The following CTNNA3 variants were observed in gnomAD, a reference collection of about 807,000 sequenced individuals.
The protein encoded by CTNNA3 is catenin alpha 3.
Under a neutral mutation model 95.7 loss-of-function variants are expected in CTNNA3, and 76 were observed. The observed-to-expected ratio is 0.79, with a 90% CI of 0.66 to 0.96. The LOEUF is 0.96. Among genes scored for constraint, CTNNA3 ranks in the 40% least tolerant of loss-of-function variants. CTNNA3 has a pLI of 0.00. For synonymous variants in CTNNA3, 431 were observed against 374.4 expected (o/e 1.15, Z -1.74); for missense variants, 1,191 against 1,089.8 (o/e 1.09, Z -1.31).
intron 17 of CTNNA3, among the ~76,000 whole-genome samples, chr10:65,961,751 T>C (rs1330173398): frequency 6.8e-6 from 1 of 146,544 alleles, no homozygotes; most frequent in African/African-American, 2.5e-5. Flanking sequence ...CTCTAGCGAA[T>C]AGTTTGTAAA....
intron 3 of CTNNA3, among the ~76,000 whole-genome samples, chr10:67,569,665 A>C (rs1841921058): frequency 6.6e-6 from 1 of 152,166 alleles, no homozygotes; most frequent in Non-Finnish European, 1.5e-5. Flanking sequence ...TTATGTTCAC[A>C]GAAGATGGGT....
At chr10:66,309,796 A>G (rs1392317009) in intron 12 of CTNNA3, among the ~76,000 whole-genome samples, 4 of 150,354 alleles carry the variant, frequency 2.7e-5, no homozygotes, top group African/African-American at 9.8e-5. Context: ...GCAGTGGCTC[A>G]CGCCTGTAAT....
chr10:66,171,955 C>A (rs557530968), intron 13 of CTNNA3, among the ~76,000 whole-genome samples: 5 of 152,096 alleles, frequency 3.3e-5, no homozygotes, highest in Non-Finnish European at 5.9e-5. Flanking sequence ...CTATATCATC[C>A]TCTAATATCT....
At chr10:67,597,433 T>G (rs1481935425) in intron 3 of CTNNA3, among the ~76,000 whole-genome samples, 1 of 152,208 alleles carries the variant, frequency 6.6e-6, no homozygotes, top group Non-Finnish European at 1.5e-5. Flanking sequence ...TGGATCGAGC[T>G]TTTTGCTTTT....
intron 13 of CTNNA3, among the ~76,000 whole-genome samples, chr10:66,111,196 A>G (rs1462526585): frequency 6.6e-6 from 1 of 152,010 alleles, no homozygotes; most frequent in Non-Finnish European, 1.5e-5. Context: ...CATGAGATCT[A>G]TTTAAAAGTG....
chr10:67,182,273 C>T (rs1206000503), intron 6 of CTNNA3, among the ~76,000 whole-genome samples: 1 of 152,150 alleles, frequency 6.6e-6, no homozygotes, highest in Non-Finnish European at 1.5e-5. Flanking sequence ...AGGCATCACG[C>T]TACCTGACTT....
intron 9 of CTNNA3, among the ~76,000 whole-genome samples, chr10:66,756,343 T>C (rs1354406782): frequency 6.6e-6 from 1 of 152,174 alleles, no homozygotes; most frequent in African/African-American, 2.4e-5. Flanking sequence ...AATGTCAAAG[T>C]GATTTTGAAA....
chr10:67,515,741 G>T (rs921635288), intron 5 of CTNNA3, among the ~76,000 whole-genome samples: 8 of 152,114 alleles, frequency 5.3e-5, no homozygotes, highest in African/African-American at 1.9e-4. Flanking sequence ...AGGACAGTTA[G>T]ATTAATTACA....
intron 7 of CTNNA3, among the ~76,000 whole-genome samples, chr10:67,008,386 A>T (rs1355931461): frequency 6.6e-6 from 1 of 152,110 alleles, no homozygotes; most frequent in Non-Finnish European, 1.5e-5. Context: ...TCAGTTTTTT[A>T]GTTGGAATCC....
chr10:67,052,570 A>G (rs1855176490), intron 7 of CTNNA3: 3 of 152,222 alleles, frequency 2.0e-5, no homozygotes, highest in African/African-American at 7.2e-5. Context: ...TTCTTATGCT[A>G]ACAGATCCCA....
At chr10:66,616,932 C>T (rs902485333) in intron 10 of CTNNA3, among the ~76,000 whole-genome samples, 7 of 151,898 alleles carry the variant, frequency 4.6e-5, no homozygotes, top group African/African-American at 7.2e-5. Flanking sequence ...AGAAAAATAT[C>T]AAGAAGCTGT....
At chr10:66,584,460 T>C (rs1329436914) in intron 10 of CTNNA3, among the ~76,000 whole-genome samples, 1 of 152,000 alleles carries the variant, frequency 6.6e-6, no homozygotes, top group African/African-American at 2.4e-5. Context: ...TTTAATATTG[T>C]TGCTCTAAAG....
chr10:67,524,170 G>A (rs1840066989), intron 4 of CTNNA3, among the ~76,000 whole-genome samples: 2 of 152,056 alleles, frequency 1.3e-5, no homozygotes, highest in African/African-American at 4.8e-5. Flanking sequence ...TTGGGAGGCC[G>A]AGGCGGGCGG....
At chr10:66,188,480 G>A (rs954297657) in intron 13 of CTNNA3, among the ~76,000 whole-genome samples, 1 of 148,800 alleles carries the variant, frequency 6.7e-6, no homozygotes, top group Non-Finnish European at 1.5e-5. Context: ...GGTGATATTT[G>A]TCTTTTTGCA....
At chr10:67,481,789 T>C (rs1024840975) in intron 5 of CTNNA3, among the ~76,000 whole-genome samples, 2 of 152,216 alleles carry the variant, frequency 1.3e-5, no homozygotes, top group Non-Finnish European at 2.9e-5. Flanking sequence ...TTTGTTGTCA[T>C]TGCTTTTGGT....
intron 10 of CTNNA3, among the ~76,000 whole-genome samples, chr10:66,581,138 C>G (rs1410982274): frequency 6.6e-6 from 1 of 151,728 alleles, no homozygotes; most frequent in East Asian, 1.9e-4. Context: ...TCTTTATCCA[C>G]TCATCAGTTA....
chr10:66,429,811 A>G (rs973961435), intron 11 of CTNNA3, among the ~76,000 whole-genome samples: 3 of 152,136 alleles, frequency 2.0e-5, no homozygotes, highest in African/African-American at 2.4e-5. Context: ...GAATGGGCAA[A>G]ACCTGGAAAC....
chr10:67,042,273 G>C (rs1033755035), intron 7 of CTNNA3, among the ~76,000 whole-genome samples: 5 of 152,126 alleles, frequency 3.3e-5, no homozygotes, highest in African/African-American at 1.2e-4. Context: ...CTCTGTGATA[G>C]AGAATCATAG....
At chr10:66,891,487 T>A (rs1392997340) in intron 7 of CTNNA3, among the ~76,000 whole-genome samples, 4 of 152,192 alleles carry the variant, frequency 2.6e-5, no homozygotes, top group African/African-American at 9.6e-5. Flanking sequence ...TTTAATCACA[T>A]TCTGAAAAAC....
Sources: gnomAD v4.1 joint callset for allele counts (sites outside exome capture counted in the v4.1 genomes callset) on GRCh38, gnomAD v4.1.1 for gene constraint, MANE v1.5 for transcripts, NCBI Gene and HGNC (gene_info 2026-07-23, HGNC 2026-07-21) for gene names.